LGR6: variants seen among roughly 807,000 people sequenced by gnomAD.
The protein encoded by LGR6 is leucine-rich repeat-containing G protein-coupled receptor 6.
Under a neutral mutation model 69.4 loss-of-function variants are expected in LGR6, and 45 were observed. That is an observed-to-expected ratio of 0.65 (90% confidence interval 0.51 to 0.83). The LOEUF (loss-of-function observed/expected upper bound fraction) is 0.83, where lower values mean the gene tolerates loss of function less well. LGR6 is among the 40% of genes least tolerant of loss of function. The probability of loss-of-function intolerance (pLI) is 0.00; values close to 1 mark genes in which losing one functional copy is unlikely to be tolerated. For synonymous variants in LGR6, 538 were observed against 555.0 expected (o/e 0.97, Z 0.43); for missense variants, 1,108 against 1,246.7 (o/e 0.89, Z 1.68).
intron 4 of LGR6, among the ~76,000 whole-genome samples, chr1:202,241,213 C>T (rs1330439414): frequency 6.6e-6 from 1 of 152,196 alleles, no homozygotes; most frequent in South Asian, 2.1e-4. Flanking sequence ...GTAGAGGATG[C>T]ACCCCCTGCC....
rs141988514 is a variant in LGR6 at position 202,318,833 on chromosome 1, C to T, written c.2530C>T (p.Arg844Cys). 1.7e-5 allele frequency: 28 copies of T among 1,613,046 alleles called. No individual in the cohort carries two copies. Among genetic ancestry groups the T allele is most frequent in the Admixed American group, 5.0e-5 (3 of 59,944 alleles). Reference protein sequence around the residue: ...FRDDLRRLRPRAGDSGPLAYA... With the variant: ...FRDDLRRLRPCAGDSGPLAYA... ...GGATGACCTTCGGCGGCTTCGGCCC[C>T]GCGCAGGGGACTCAGGGCCCCTAGC... Residue 844 changes from arginine to cysteine, a missense_variant, in exon 18 of 18, where the codon CGC (arginine) becomes TGC (cysteine). Coordinates refer to ENST00000367278, the MANE Select transcript of LGR6 (RefSeq NM_001017403.2).
At chr1:202,205,969 AACACAC>A (rs10522754) in intron 1 of LGR6, among the ~76,000 whole-genome samples, 1 of 149,004 alleles carries the variant, frequency 6.7e-6, no homozygotes, top group Non-Finnish European at 1.5e-5. Flanking sequence ...ACAGACACAC[AACACAC>A]ACACACACAC....
intron 3 of LGR6, among the ~76,000 whole-genome samples, chr1:202,231,645 C>T (rs1661082623): frequency 1.3e-5 from 2 of 152,198 alleles, no homozygotes; most frequent in South Asian, 2.1e-4. Context: ...ACATTTTTAG[C>T]TATGGAAACT....
intron 4 of LGR6, among the ~76,000 whole-genome samples, chr1:202,266,344 C>G (rs1664656180): frequency 6.6e-6 from 1 of 152,060 alleles, no homozygotes; most frequent in Non-Finnish European, 1.5e-5. Flanking sequence ...CACAGGGACT[C>G]TTGAAGCGAA....
intron 4 of LGR6, among the ~76,000 whole-genome samples, chr1:202,253,154 C>A (rs1017011268): frequency 6.6e-6 from 1 of 152,112 alleles, no homozygotes; most frequent in African/African-American, 2.4e-5. Flanking sequence ...GTATCATAAC[C>A]AAATTGTCTG....
chr1:202,196,971 T>C (rs1331621768), intron 1 of LGR6: 4 of 522,280 alleles, frequency 7.7e-6, no homozygotes, highest in Admixed American at 4.1e-5. Flanking sequence ...GGGACTTAGG[T>C]CCTCCTGACA....
intron 6 of LGR6, among the ~76,000 whole-genome samples, chr1:202,290,820 C>T (rs901691589): frequency 3.3e-5 from 5 of 152,148 alleles, no homozygotes; most frequent in Admixed American, 6.5e-5. Context: ...GCTGAGATCG[C>T]GCCATTGCCC....
At chr1:202,216,229 G>A (rs1241055572) in intron 1 of LGR6, among the ~76,000 whole-genome samples, 1 of 152,256 alleles carries the variant, frequency 6.6e-6, no homozygotes, top group African/African-American at 2.4e-5. Flanking sequence ...TGAGTTGGGT[G>A]GTGATGCTCA....
At chr1:202,212,074 G>C (rs564761059) in intron 1 of LGR6, among the ~76,000 whole-genome samples, 1 of 152,274 alleles carries the variant, frequency 6.6e-6, no homozygotes, top group African/African-American at 2.4e-5. Context: ...ACTGTCGATG[G>C]GCAACCAGAC....
In LGR6 at chr1:202,194,032, G is replaced by T; in HGVS notation, c.43G>T (p.Ala15Ser). ...GCTCCGGGCGCTATGGCTTTGCGCC[G>T]CGCTGTGCGCTTCCCGGAGGGCCGG... ...PGLRALWLCA[A>S]LCASRRAGGA... Residue 15 changes from alanine (A) to serine (S), a missense_variant, in exon 1 of 18, where the codon GCG becomes TCG. Coordinates refer to ENST00000367278, the MANE Select transcript of LGR6 (RefSeq NM_001017403.2). 1 of 1,387,452 alleles carries T rather than the reference G, an allele frequency of 7.2e-7. No homozygotes were observed. Among genetic ancestry groups the T allele is most frequent in the East Asian group, 3.1e-5 (1 of 32,424 alleles). The allele number at this position is 1,387,452 out of a possible 1,614,324, so 85.9% of individuals were successfully genotyped here.
At chr1:202,294,121 C>T (rs563978477) in intron 6 of LGR6, among the ~76,000 whole-genome samples, 2 of 152,198 alleles carry the variant, frequency 1.3e-5, no homozygotes, top group South Asian at 4.1e-4. Flanking sequence ...TCTTAAGAGT[C>T]CATTAGTGTT....
chr1:202,248,147 G>A (rs1020754887), intron 4 of LGR6, among the ~76,000 whole-genome samples: 21 of 152,224 alleles, frequency 1.4e-4, no homozygotes, highest in Non-Finnish European at 2.8e-4. Context: ...CACCGGCTGA[G>A]GCTGCGTGGG....
intron 1 of LGR6, 97 bp downstream of exon 1, chr1:202,194,298 G>A: frequency 1.2e-6 from 1 of 808,218 alleles, no homozygotes; most frequent in South Asian, 1.9e-5. Flanking sequence ...GGTGCCCTGG[G>A]GCATGGGCAT....
At chr1:202,208,692 A>G (rs1489275285) in intron 1 of LGR6, among the ~76,000 whole-genome samples, 3 of 152,060 alleles carry the variant, frequency 2.0e-5, no homozygotes, top group East Asian at 1.9e-4. Flanking sequence ...CTCTGAATGC[A>G]GAAGCCCAGG....
Position 202,306,852 on chromosome 1 carries a change from T to C in LGR6, c.1137-16T>C, listed in dbSNP as rs370040595. 4 of 1,613,620 alleles carry C rather than the reference T, an allele frequency of 2.5e-6. No homozygotes were observed. The highest frequency in any genetic ancestry group is 3.4e-6 in the Non-Finnish European group (4 of 1,179,718). ...TCTGAGCCTGCCGGCTCATCCAGCC[T>C]CTCTTGCTGCCCTAGCGGCCTCCAA... is the stretch of plus-strand genomic sequence containing the variant. On this transcript the variant is annotated splice_polypyrimidine_tract_variant and intron_variant, in intron 12 of 17. Transcript: ENST00000367278.
At chr1:202,255,845 A>C (rs1296302879) in intron 4 of LGR6, among the ~76,000 whole-genome samples, 2 of 152,246 alleles carry the variant, frequency 1.3e-5, no homozygotes, top group East Asian at 1.9e-4. Context: ...GTGCGAGTAC[A>C]TCACTAGTGT....
rs148914398 is a variant in LGR6, at chr1:202,247,795, C to T, written c.428+11802C>T. Among the ~76,000 whole-genome samples the T allele has an allele frequency of 7.5e-3, 1,142 of 152,300 alleles. 8 individuals carry two copies. The highest frequency in any genetic ancestry group is 0.011 in the Non-Finnish European group (781 of 68,026). ...CGATCTCACTCTGATCCCATCATGA[C>T]GTTTTCTGGGAGTATCCTCAGAGAA... On this transcript the variant is annotated intron_variant, in intron 4 of 17. Transcript: ENST00000367278.
At chr1:202,313,322 C>T (rs1333585740) in intron 16 of LGR6, among the ~76,000 whole-genome samples, 1 of 152,116 alleles carries the variant, frequency 6.6e-6, no homozygotes, top group Admixed American at 6.5e-5. Context: ...AGTGCTTTCT[C>T]TCCCATTGGG....
At chr1:202,226,678 G>A (rs1660576690) in intron 2 of LGR6, among the ~76,000 whole-genome samples, 2 of 152,180 alleles carry the variant, frequency 1.3e-5, no homozygotes, top group African/African-American at 4.8e-5. Context: ...CCACCCCCAG[G>A]GAATGTCCAG....
Sources: gnomAD v4.1 joint callset for allele counts (sites outside exome capture counted in the v4.1 genomes callset) on GRCh38, gnomAD v4.1.1 for gene constraint, MANE v1.5 for transcripts, NCBI Gene and HGNC (gene_info 2026-07-23, HGNC 2026-07-21) for gene names.